TUT4: variants seen among roughly 807,000 people sequenced by gnomAD.
The protein encoded by TUT4 is terminal uridylyl transferase 4, also known as terminal uridylyltransferase 4.
Under a neutral mutation model 192.2 loss-of-function variants are expected in TUT4, and 36 were observed. The ratio of observed to expected loss-of-function variants is 0.19; its 90% confidence interval spans 0.14 to 0.25. TUT4 has a LOEUF of 0.25. Among genes scored for constraint, TUT4 ranks in the 10% least tolerant of loss-of-function variants. TUT4 has a pLI of 1.00. For missense variants in TUT4, 1,493 were observed against 1,957.2 expected, an observed-to-expected ratio of 0.76 and a Z score of 4.47; for synonymous variants, 618 against 666.0, an observed-to-expected ratio of 0.93 and a Z score of 1.11.
At chr1:52,465,636 T>C (rs151054570) in intron 15 of TUT4, among the ~76,000 whole-genome samples, 1 of 152,336 alleles carries the variant, frequency 6.6e-6, no homozygotes, top group African/African-American at 2.4e-5. Context: ...TCACTACCAA[T>C]AGTTAAGATC....
intron 25 of TUT4, 101 bp downstream of exon 25, chr1:52,438,119 C>T: frequency 1.1e-6 from 1 of 904,624 alleles, no homozygotes; most frequent in Non-Finnish European, 1.7e-6. Flanking sequence ...TAATTAAATA[C>T]CCTAAACTTT....
intron 27 of TUT4, chr1:52,432,616 G>A (rs1346587903): frequency 6.6e-6 from 1 of 152,294 alleles, no homozygotes; most frequent in East Asian, 1.9e-4. Flanking sequence ...ATAAAATAGA[G>A]AATTTTTTTA....
intron 1 of TUT4, among the ~76,000 whole-genome samples, chr1:52,534,399 T>A (rs1321248949): frequency 6.6e-6 from 1 of 152,228 alleles, no homozygotes; most frequent in Non-Finnish European, 1.5e-5. Context: ...CTGGTCTCCA[T>A]ATGCTTCCTT....
chr1:52,455,607 TA>T (rs34934935), intron 20 of TUT4, among the ~76,000 whole-genome samples: 9,517 of 40,540 alleles, frequency 0.23, 1,573 homozygotes, highest in African/African-American at 0.56. Context: ...ACGCTACCTT[TA>T]AAAAAAAAAA....
intron 20 of TUT4, among the ~76,000 whole-genome samples, chr1:52,452,345 C>T (rs1046500087): frequency 5.3e-5 from 8 of 152,192 alleles, no homozygotes; most frequent in African/African-American, 1.9e-4. Flanking sequence ...CAACTCGTAA[C>T]ATCCTTGGAA....
intron 1 of TUT4, chr1:52,535,101 C>T (rs993448226): frequency 3.9e-5 from 6 of 152,166 alleles, no homozygotes; most frequent in Non-Finnish European, 8.8e-5. Flanking sequence ...GCATAGTCAT[C>T]TTGTTGCATA....
rs1672622769 is a variant in TUT4 at position 52,497,036 on chromosome 1, T to C, written c.1147A>G (p.Met383Val). ...LRVRQEIVEE[M>V]SKVITTFLPE... Reference sequence around the variant, plus strand: ...AAAAATGTCGTTATAACCTTTGACATTTCCTCCACAATTTCCTGACGGACT... The same window carrying C: ...AAAAATGTCGTTATAACCTTTGACACTTCCTCCACAATTTCCTGACGGACT... The change falls in exon 5 of 30, where the codon ATG becomes GTG. Residue 383 changes from methionine to valine, a missense_variant. This residue lies in a region of TUT4 where 437 missense variants were observed against 577.6 expected (regional missense o/e 0.76). Transcript: ENST00000257177. The C allele has an allele frequency of 1.2e-6, 2 of 1,613,322 alleles. No homozygotes were observed. The highest frequency in any genetic ancestry group is 2.7e-5 in the African/African-American group (2 of 74,990).
chr1:52,459,903 A>G (rs1016792110), intron 19 of TUT4, among the ~76,000 whole-genome samples: 3 of 152,134 alleles, frequency 2.0e-5, no homozygotes, highest in African/African-American at 4.8e-5. Flanking sequence ...AAATTAAAAT[A>G]AAAATTAAAA....
At chr1:52,476,055 G>A (rs1214397346) in intron 12 of TUT4, among the ~76,000 whole-genome samples, 2 of 152,108 alleles carry the variant, frequency 1.3e-5, no homozygotes, top group African/African-American at 4.8e-5. Context: ...ATGTTGGCCA[G>A]GCTGGTCTTG....
chr1:52,490,086 A>C (rs144839142), intron 8 of TUT4, among the ~76,000 whole-genome samples: 36 of 151,686 alleles, frequency 2.4e-4, no homozygotes, highest in African/African-American at 7.0e-4. Context: ...AACTCATTCA[A>C]TGTAAGTGAA....
At chr1:52,475,628 G>A (rs1570711124) in intron 12 of TUT4, 93 bp from the exon 13 acceptor site, 1 of 1,177,436 alleles carries the variant, frequency 8.5e-7, no homozygotes. Context: ...TAAACTGTCA[G>A]GAGAATACAT....
Position 52,493,234 on chromosome 1 carries a change from C to T in TUT4, c.1318+377G>A, listed in dbSNP as rs975924959. On this transcript the variant is annotated intron_variant, in intron 7 of 29. Transcript: ENST00000257177. ...GAGTAGCTGGGACTACAGGTACGTG[C>T]CACCACGCCTGGCTAATTTTGTGTT... Among the ~76,000 whole-genome samples, 3 of 152,146 alleles carry T rather than the reference C, an allele frequency of 2.0e-5. No homozygotes were observed. The East Asian group carries it at 5.8e-4, about 29-fold the overall frequency.
intron 2 of TUT4, among the ~76,000 whole-genome samples, chr1:52,524,115 G>C (rs1681054450): frequency 6.6e-6 from 1 of 152,146 alleles, no homozygotes; most frequent in African/African-American, 2.4e-5. Context: ...TTTTACAACA[G>C]TTCTCAAAGT....
At chr1:52,496,969 T>C (rs2149153971) in intron 5 of TUT4, 37 bp downstream of exon 5, 3 of 1,592,916 alleles carry the variant, frequency 1.9e-6, no homozygotes, top group South Asian at 2.3e-5. Context: ...GGAAGAGTTT[T>C]GTGATTTTCA....
At chr1:52,456,535 A>G (rs2148628970) in intron 20 of TUT4, among the ~76,000 whole-genome samples, 1 of 151,730 alleles carries the variant, frequency 6.6e-6, no homozygotes, top group South Asian at 2.1e-4. Flanking sequence ...CTATCAAGCC[A>G]TGAAAAGACA....
Position 52,515,603 on chromosome 1 carries a change from G to C in TUT4, c.882+288C>G, listed in dbSNP as rs893739358. On this transcript the variant is annotated intron_variant, in intron 3 of 29. Transcript: ENST00000257177. ...TAAAATGTTTACCAAAAACGGTGGG[G>C]AGACTAGGTGTATTTTAACCCATTC... The C allele has an allele frequency of 1.0e-5, 5 of 496,688 alleles. No homozygotes were observed. In the East Asian group the frequency reaches 1.2e-4, roughly 12 times the overall value. The allele number at this position is 496,688 out of a possible 1,614,324, so 30.8% of individuals were successfully genotyped here. A position where few individuals can be genotyped will look rare whatever the true frequency, so the allele number is the denominator to read the frequency against.
chr1:52,520,991 A>G (rs1190006504), intron 2 of TUT4, among the ~76,000 whole-genome samples: 2 of 152,074 alleles, frequency 1.3e-5, no homozygotes, highest in African/African-American at 4.8e-5. Context: ...ACGGGATTTC[A>G]CCATGTTAGC....
Position 52,481,888 on chromosome 1 carries a change from G to A in TUT4, c.1551C>T (p.Ile517=), listed in dbSNP as rs763588652. 3 of 1,595,556 alleles carry A rather than the reference G, an allele frequency of 1.9e-6. No homozygotes were observed. Among genetic ancestry groups the A allele is most frequent in the Non-Finnish European group, 1.7e-6 (2 of 1,175,050 alleles). ...CCATTAAAGCAAAACAGTAAGAAGG[G>A]ATTCCACCATCAGTTTGGGAGTCAA... ...CYIDSQTDGG[I]PSYCFALMVM... The change falls in exon 10 of 30, where the codon ATC becomes ATT. Residue 517 remains isoleucine, a synonymous_variant. Coordinates refer to ENST00000257177, the MANE Select transcript of TUT4 (RefSeq NM_001009881.3).
chr1:52,423,956 TGGTG>T lies in TUT4; in HGVS notation c.4913_4916del (p.Pro1638GlnfsTer60). The T allele has an allele frequency of 6.2e-7, 1 of 1,613,210 alleles. No individual in the cohort carries two copies. The highest frequency in any genetic ancestry group is 8.5e-7 in the Non-Finnish European group (1 of 1,179,646). On this transcript the variant is annotated frameshift_variant, in exon 30 of 30. Coordinates refer to ENST00000257177, the MANE Select transcript of TUT4 (RefSeq NM_001009881.3). LOFTEE classifies it high-confidence loss of function. ...CGCATTACTCCGACACGTTTCCTCT[TGGTG>T]GGTGGGGACAACGCTCTCTACACCG...
Sources: gnomAD v4.1 joint callset for allele counts (sites outside exome capture counted in the v4.1 genomes callset) on GRCh38, gnomAD v4.1.1 for gene constraint, gnomAD v4.1.1 regional missense constraint, MANE v1.5 for transcripts, NCBI Gene and HGNC (gene_info 2026-07-23, HGNC 2026-07-21) for gene names.